The following OMD variants were observed in gnomAD, a reference collection of about 807,000 sequenced individuals.
OMD encodes KSPG osteomodulin.
Under a neutral mutation model 31.2 loss-of-function variants are expected in OMD, and 19 were observed. The ratio of observed to expected loss-of-function variants is 0.61; its 90% CI spans 0.42 to 0.89. The LOEUF (loss-of-function observed/expected upper bound fraction) is 0.89, where lower values mean the gene tolerates loss of function less well. OMD is among the 40% of genes least tolerant of loss of function. The pLI is 0.00. For missense variants in OMD, 448 were observed against 490.8 expected (o/e 0.91, Z 0.82); for synonymous variants, 155 against 166.4 (o/e 0.93, Z 0.53).
chr9:92,414,600 T>G lies in OMD; in HGVS notation c.*552A>C, dbSNP rs142604101. The G allele has an allele frequency of 1.0e-3, 214 of 208,976 alleles. No homozygotes were observed. Among genetic ancestry groups the G allele is most frequent in the Non-Finnish European group, 1.7e-3 (173 of 102,628 alleles). 12.9% of individuals were successfully genotyped at this position (208,976 alleles called of 1,614,324 possible). On this transcript the variant is annotated 3_prime_UTR_variant, in exon 3 of 3. Transcript: ENST00000375550. ...CTCTTACAAATCAAAAATATCATTCTATGTGCTATGTGGTGAGCTAGGGGG... is the reference window on the plus strand; with the variant it reads ...CTCTTACAAATCAAAAATATCATTCGATGTGCTATGTGGTGAGCTAGGGGG...
rs1843505091 is a variant in OMD at position 92,413,600 on chromosome 9, G to T, written c.*1552C>A. On this transcript the variant is annotated 3_prime_UTR_variant, in exon 3 of 3. Coordinates refer to ENST00000375550, the MANE Select transcript of OMD (RefSeq NM_005014.3). ...AATTTATATCCTGTATTTAAAAATT[G>T]CAAGAAAAGGGAGGTGGGCCTTAAG... Among the ~76,000 whole-genome samples the T allele has an allele frequency of 6.6e-6, 1 of 152,034 alleles. No individual in the cohort carries two copies. Among genetic ancestry groups the T allele is most frequent in the African/African-American group, 2.4e-5 (1 of 41,396 alleles).
Position 92,415,174 on chromosome 9 carries a change from TGAA to T in OMD, c.1241_1243del (p.Leu414del). The T allele has an allele frequency of 6.2e-7, 1 of 1,607,680 alleles. No individual in the cohort carries two copies. Among genetic ancestry groups the T allele is most frequent in the Non-Finnish European group, 8.5e-7 (1 of 1,178,226 alleles). The stretch of plus-strand genomic sequence containing the variant: ...TTGCTATTCTTGATTTTCATAATAA[TGAA>T]GGTCAAAGTGCCCTTCTGCTCCTTC... On this transcript the variant is annotated inframe_deletion, in exon 3 of 3. Transcript: ENST00000375550.
At position 92,417,340 on chromosome 9, in the gene OMD, T is replaced by C. The variant is rs1249791721; in HGVS notation, c.219A>G (p.Pro73=). 1 of 1,613,956 alleles carries C rather than the reference T, an allele frequency of 6.2e-7. No individual in the cohort carries two copies. The highest frequency in any genetic ancestry group is 2.2e-5 in the East Asian group (1 of 44,870). The change falls in exon 2 of 3, where the codon CCA becomes CCG. Residue 73 remains proline (P), a synonymous_variant. Transcript: ENST00000375550. ...VSECFCPTNF[P]SSMYCDNRKL... is the part of the protein sequence containing the mutation. ...TGCGATTATCACAGTACATTGATGA[T>C]GGAAAGTTAGTTGGACAGAAGCATT...
chr9:92,422,533 A>T (rs1843838454), intron 1 of OMD, among the ~76,000 whole-genome samples: 2 of 152,164 alleles, frequency 1.3e-5, no homozygotes, highest in African/African-American at 4.8e-5. Flanking sequence ...GGTTTTTAAT[A>T]TTGTCTGCTT....
intron 1 of OMD, among the ~76,000 whole-genome samples, chr9:92,419,210 A>G (rs1331723927): frequency 3.3e-5 from 5 of 151,850 alleles, no homozygotes; most frequent in African/African-American, 1.2e-4. Context: ...GTCACTTAAC[A>G]TATCTGCCTC....
At chr9:92,420,799 T>G (rs1372313739) in intron 1 of OMD, among the ~76,000 whole-genome samples, 1 of 150,498 alleles carries the variant, frequency 6.6e-6, no homozygotes, top group East Asian at 1.9e-4. Flanking sequence ...TCATGATGTT[T>G]CTTTGTGCAA....
rs1207692640 is a variant in OMD at position 92,415,321 on chromosome 9, C to T, written c.1097G>A (p.Arg366Gln). 1.1e-5 allele frequency: 18 copies of T among 1,613,448 alleles called. No individual in the cohort carries two copies. Among genetic ancestry groups the T allele is most frequent in the Non-Finnish European group, 1.3e-5 (15 of 1,179,776 alleles). Reference sequence around the variant, plus strand: ...TTGTATTGTTTGACCATTAGTGCTTCGTTGTTCACCATAATAAATAGTGTG... The same window carrying T: ...TTGTATTGTTTGACCATTAGTGCTTTGTTGTTCACCATAATAAATAGTGTG... ...HIHTIYYGEQRSTNGQTIQLK... is the reference protein window; with the variant it reads ...HIHTIYYGEQQSTNGQTIQLK... The change falls in exon 3 of 3, where the codon CGA (arginine) becomes CAA (glutamine). Residue 366 changes from arginine (R) to glutamine (Q), a missense_variant. Coordinates refer to ENST00000375550, the MANE Select transcript of OMD (RefSeq NM_005014.3).
rs1044910302 is a variant in OMD, at chr9:92,419,298, T to C, written c.-16-1724A>G. Among the ~76,000 whole-genome samples the C allele has an allele frequency of 1.0e-4, 14 of 140,068 alleles. No individual in the cohort carries two copies. In the South Asian group the frequency reaches 2.7e-3, roughly 27 times the overall value. 91.9% of individuals were successfully genotyped at this position (140,068 alleles called of 152,430 possible). A position where few individuals can be genotyped will look rare whatever the true frequency, so the allele number is the denominator to read the frequency against. ...TGCTTATCTTGTATGTTGCCTTGTG[T>C]CTTTTTTTTTTTTTTTTTTTGAGAT... On this transcript the variant is annotated intron_variant, in intron 1 of 2. Coordinates refer to ENST00000375550, the MANE Select transcript of OMD (RefSeq NM_005014.3).
chr9:92,420,702 T>C (rs1843764796), intron 1 of OMD, among the ~76,000 whole-genome samples: 1 of 152,222 alleles, frequency 6.6e-6, no homozygotes, highest in Non-Finnish European at 1.5e-5. Context: ...TTTTCTTATA[T>C]GTATCCCTAC....
rs1236466465 is a variant in OMD at position 92,416,613 on chromosome 9, A to G, written c.940+6T>C. 1 of 1,467,332 alleles carries G rather than the reference A, an allele frequency of 6.8e-7. No homozygotes were observed. Among genetic ancestry groups the G allele is most frequent in the Non-Finnish European group, 9.3e-7 (1 of 1,079,368 alleles). The allele number at this position is 1,467,332 out of a possible 1,614,324, so 90.9% of individuals were successfully genotyped here. ...TCTCTTCAAAACACAATAAAAGTCT[A>G]CATACTTTCTATTTCATTATTTTGT... On this transcript the variant is annotated splice_donor_region_variant and intron_variant, in intron 2 of 2. Transcript: ENST00000375550.
Position 92,416,823 on chromosome 9 carries a change from A to C in OMD, c.736T>G (p.Ser246Ala). ...MYLSLENNSI[S>A]SIPEKYFDKL... ...TCGAAGTATTTTTCGGGTATAGAAG[A>C]AATTGAATTATTTTCTAAAGACAGA... is the stretch of plus-strand genomic sequence containing the variant. Residue 246 changes from serine (S) to alanine (A), a missense_variant, in exon 2 of 3, where the codon TCT (serine) becomes GCT (alanine). Coordinates refer to ENST00000375550, the MANE Select transcript of OMD (RefSeq NM_005014.3). 3 of 1,613,938 alleles carry C rather than the reference A, an allele frequency of 1.9e-6. No individual in the cohort carries two copies. Among genetic ancestry groups the C allele is most frequent in the Non-Finnish European group, 2.5e-6 (3 of 1,179,886 alleles).
At chr9:92,421,053 CT>C (rs968117485) in intron 1 of OMD, among the ~76,000 whole-genome samples, 3 of 151,582 alleles carry the variant, frequency 2.0e-5, no homozygotes, top group Non-Finnish European at 4.4e-5. Flanking sequence ...ATTAGCCTAA[CT>C]TTTTTTTTCT....
Position 92,415,384 on chromosome 9 carries a change from G to C in OMD, c.1034C>G (p.Pro345Arg). Residue 345 changes from proline to arginine, a missense_variant, in exon 3 of 3, where the codon CCA becomes CGA. Transcript: ENST00000375550. ...GCAGAAGAAGATGTATGAGCTTATT[G>C]GTTCTTTTAGTTTATTTTGGTCCAC... ...IRVDQNKLKE[P>R]ISSYIFFCFP... The C allele has an allele frequency of 2.5e-6, 4 of 1,613,384 alleles. No individual in the cohort carries two copies. The highest frequency in any genetic ancestry group is 2.5e-6 in the Non-Finnish European group (3 of 1,179,622).
intron 1 of OMD, among the ~76,000 whole-genome samples, chr9:92,419,959 TTTC>T (rs149991423): frequency 2.0e-5 from 3 of 152,310 alleles, no homozygotes; most frequent in East Asian, 1.9e-4. Context: ...AACATCTCAA[TTTC>T]TTCTTCTTTT....
At chr9:92,424,146 A>C (rs934247228) in intron 1 of OMD, 56 bp downstream of exon 1, 2 of 152,204 alleles carry the variant, frequency 1.3e-5, no homozygotes, top group African/African-American at 2.4e-5. Flanking sequence ...TATACTTTTA[A>C]ATTTTAACAG....
At chr9:92,422,821 C>A (rs1432537426) in intron 1 of OMD, among the ~76,000 whole-genome samples, 1 of 152,196 alleles carries the variant, frequency 6.6e-6, no homozygotes, top group Non-Finnish European at 1.5e-5. Flanking sequence ...TTTCATTCCC[C>A]AACTAATCTC....
At chr9:92,421,818 C>T (rs1843805833) in intron 1 of OMD, among the ~76,000 whole-genome samples, 1 of 152,054 alleles carries the variant, frequency 6.6e-6, no homozygotes, top group African/African-American at 2.4e-5. Context: ...AAAGTGAACC[C>T]TAATCTAAGG....
In OMD at chr9:92,417,317, C is replaced by T. The variant is rs765217948; in HGVS notation, c.242G>A (p.Arg81His). The T allele has an allele frequency of 5.9e-5, 96 of 1,613,738 alleles. No individual in the cohort carries two copies. In the Admixed American group the frequency reaches 1.4e-3, roughly 23 times the overall value. ...NFPSSMYCDN[R>H]KLKTIPNIPM... is the part of the protein sequence containing the mutation. ...AATATTTGGGATAGTCTTGAGTTTGCGATTATCACAGTACATTGATGATGG... is the reference window on the plus strand; with the variant it reads ...AATATTTGGGATAGTCTTGAGTTTGTGATTATCACAGTACATTGATGATGG... The change falls in exon 2 of 3, where the codon CGC becomes CAC. Residue 81 changes from arginine to histidine, a missense_variant. Coordinates refer to ENST00000375550, the MANE Select transcript of OMD (RefSeq NM_005014.3).
At chr9:92,416,417 T>C (rs1843614657) in intron 2 of OMD, among the ~76,000 whole-genome samples, 1 of 152,106 alleles carries the variant, frequency 6.6e-6, no homozygotes, top group Non-Finnish European at 1.5e-5. Context: ...TTTCTCAATA[T>C]TTAAGGCAAT....
Sources: gnomAD v4.1 joint callset for allele counts (sites outside exome capture counted in the v4.1 genomes callset) on GRCh38, gnomAD v4.1.1 for gene constraint, MANE v1.5 for transcripts, NCBI Gene and HGNC (gene_info 2026-07-23, HGNC 2026-07-21) for gene names.